Variants in CDKAL1 observed in about 807,000 individuals in gnomAD.
CDKAL1 encodes threonylcarbamoyladenosine tRNA methylthiotransferase.
CDKAL1 carries 32 observed loss-of-function variants against 68.2 expected under a neutral mutation model. That is an observed-to-expected ratio of 0.47 (90% CI 0.35 to 0.63). The LOEUF (loss-of-function observed/expected upper bound fraction) is 0.63, where lower values mean the gene tolerates loss of function less well. Among genes scored for constraint, CDKAL1 ranks in the 30% least tolerant of loss-of-function variants. The pLI, the probability that CDKAL1 is intolerant of heterozygous loss-of-function variation, is 0.00. For missense variants in CDKAL1, 606 were observed against 696.7 expected, an observed-to-expected ratio of 0.87 and a Z score of 1.47; for synonymous variants, 234 against 244.3, an observed-to-expected ratio of 0.96 and a Z score of 0.39.
At chr6:21,068,367 A>G (rs370198910) in intron 12 of CDKAL1, among the ~76,000 whole-genome samples, 8 of 152,276 alleles carry the variant, frequency 5.3e-5, no homozygotes, top group South Asian at 2.1e-4. Flanking sequence ...CTGCAGTCCA[A>G]TTGGAATTTA....
At chr6:21,073,321 G>C (rs1223520471) in intron 12 of CDKAL1, among the ~76,000 whole-genome samples, 1 of 152,144 alleles carries the variant, frequency 6.6e-6, no homozygotes, top group Non-Finnish European at 1.5e-5. Context: ...TAAGTGTTCA[G>C]CTCATTTGGA....
At chr6:21,051,742 A>G (rs1292451793) in intron 11 of CDKAL1, among the ~76,000 whole-genome samples, 1 of 152,222 alleles carries the variant, frequency 6.6e-6, no homozygotes, top group East Asian at 1.9e-4. Context: ...TCTCTCTGAC[A>G]AGGTTACAAT....
chr6:21,131,853 T>G (rs546259554), intron 13 of CDKAL1, among the ~76,000 whole-genome samples: 4 of 152,280 alleles, frequency 2.6e-5, no homozygotes, highest in Middle Eastern at 3.4e-3. Flanking sequence ...TCCCACAAAT[T>G]TAGTATTCCA....
intron 8 of CDKAL1, among the ~76,000 whole-genome samples, chr6:20,836,282 T>C (rs1777937894): frequency 6.6e-6 from 1 of 152,222 alleles, no homozygotes; most frequent in African/African-American, 2.4e-5. Flanking sequence ...GCCATCATAT[T>C]ACCAAAAATA....
intron 4 of CDKAL1, among the ~76,000 whole-genome samples, chr6:20,580,347 G>T (rs554202180): frequency 1.3e-5 from 2 of 152,268 alleles, no homozygotes; most frequent in African/African-American, 4.8e-5. Context: ...GTAGGCGTTA[G>T]CTGCTGGAAG....
At chr6:21,101,460 A>G (rs982966796) in intron 12 of CDKAL1, among the ~76,000 whole-genome samples, 2 of 152,160 alleles carry the variant, frequency 1.3e-5, no homozygotes, top group African/African-American at 2.4e-5. Context: ...TTCATTTTAT[A>G]TAGGAGGTAC....
At chr6:20,794,065 G>A (rs2150394881) in intron 8 of CDKAL1, among the ~76,000 whole-genome samples, 2 of 151,632 alleles carry the variant, frequency 1.3e-5, no homozygotes, top group South Asian at 2.1e-4. Flanking sequence ...GGCTTTAATT[G>A]ACTGATCTTT....
chr6:20,540,077 C>CTTTTTTTTTTTT (rs71538791), intron 2 of CDKAL1, among the ~76,000 whole-genome samples: 1,443 of 130,988 alleles, frequency 0.011, 117 homozygotes, highest in African/African-American at 0.037. Flanking sequence ...TTGGGATTGT[C>CTTTTTTTTTTTT]TTTTTTTTTT....
chr6:21,209,704 C>G (rs1779078908), intron 15 of CDKAL1, among the ~76,000 whole-genome samples: 2 of 152,162 alleles, frequency 1.3e-5, no homozygotes, highest in South Asian at 4.1e-4. Context: ...GATTCTTTAT[C>G]ATGAAAGCAG....
chr6:21,108,540 G>T, intron 13 of CDKAL1, 77 bp downstream of exon 13: 1 of 915,866 alleles, frequency 1.1e-6, no homozygotes, highest in South Asian at 1.7e-5. Context: ...CCAACATATG[G>T]TGATTCTGAA....
chr6:21,015,842 G>A (rs1196538389), intron 11 of CDKAL1, among the ~76,000 whole-genome samples: 1 of 151,820 alleles, frequency 6.6e-6, no homozygotes, highest in Non-Finnish European at 1.5e-5. Context: ...CAGCTACTCA[G>A]GAGGCTGAGG....
intron 5 of CDKAL1, 91 bp from the exon 6 acceptor site, chr6:20,739,428 T>C (rs556011974): frequency 1.3e-4 from 92 of 702,948 alleles, no homozygotes; most frequent in Non-Finnish European, 2.0e-4. Flanking sequence ...AGGCCTGTTA[T>C]TATTTGGAGA....
At chr6:20,847,069 A>G (rs1444289694) in intron 9 of CDKAL1, among the ~76,000 whole-genome samples, 1 of 152,142 alleles carries the variant, frequency 6.6e-6, no homozygotes, top group Non-Finnish European at 1.5e-5. Flanking sequence ...GTCTGTAGAA[A>G]ACTTTTAGAA....
intron 10 of CDKAL1, among the ~76,000 whole-genome samples, chr6:20,980,960 C>A (rs892680255): frequency 7.2e-5 from 11 of 152,098 alleles, no homozygotes; most frequent in African/African-American, 2.4e-4. Context: ...ATTGTGAGAC[C>A]TGGATAGTGC....
chr6:20,742,862 T>TA (rs1408142526), intron 6 of CDKAL1, among the ~76,000 whole-genome samples: 2 of 152,114 alleles, frequency 1.3e-5, no homozygotes, highest in Non-Finnish European at 2.9e-5. Context: ...GCAGGTATAT[T>TA]ACATTTTATT....
chr6:21,220,888 C>G (rs1360135879), intron 15 of CDKAL1, among the ~76,000 whole-genome samples: 1 of 152,062 alleles, frequency 6.6e-6, no homozygotes, highest in East Asian at 1.9e-4. Flanking sequence ...AATTGTGGGC[C>G]AGGCACGGTG....
chr6:20,622,023 T>G (rs6915936), intron 4 of CDKAL1, among the ~76,000 whole-genome samples: 1 of 152,100 alleles, frequency 6.6e-6, no homozygotes, highest in Non-Finnish European at 1.5e-5. Flanking sequence ...TATAAAAATA[T>G]TTCTATATGT....
At chr6:20,623,922 T>C (rs1179477018) in intron 4 of CDKAL1, among the ~76,000 whole-genome samples, 1 of 152,074 alleles carries the variant, frequency 6.6e-6, no homozygotes, top group African/African-American at 2.4e-5. Flanking sequence ...CTTATAAAGA[T>C]TGAGTGAATT....
intron 1 of CDKAL1, chr6:20,535,053 C>G (rs949437616): frequency 6.6e-6 from 1 of 152,204 alleles, no homozygotes; most frequent in Non-Finnish European, 1.5e-5. Flanking sequence ...ATCTGGATGT[C>G]TATCTACCTT....
Sources: gnomAD v4.1 joint callset for allele counts (sites outside exome capture counted in the v4.1 genomes callset) on GRCh38, gnomAD v4.1.1 for gene constraint, MANE v1.5 for transcripts, NCBI Gene and HGNC (gene_info 2026-07-23, HGNC 2026-07-21) for gene names.